Variants in GLI3 observed in about 807,000 individuals in gnomAD.
GLI3 encodes GLI family zinc finger 3.
A neutral mutation model predicts 100.8 loss-of-function variants in GLI3; 20 were observed. The observed-to-expected ratio is 0.20, with a 90% CI of 0.14 to 0.29. GLI3 has a LOEUF of 0.29. Ranked by LOEUF, GLI3 falls within the 10% of genes least tolerant of loss-of-function variation. The pLI, the probability that GLI3 is intolerant of heterozygous loss-of-function variation, is 1.00. For missense variants in GLI3, 2,040 were observed against 2,128.5 expected, an observed-to-expected ratio of 0.96 and a Z score of 0.82; for synonymous variants, 938 against 860.5, an observed-to-expected ratio of 1.09 and a Z score of -1.58.
chr7:42,059,392 AAATGTTTTATTATAT>A (rs1356042345), intron 4 of GLI3, among the ~76,000 whole-genome samples: 1 of 150,436 alleles, frequency 6.6e-6, no homozygotes, highest in Non-Finnish European at 1.5e-5. Flanking sequence ...CTATTATATA[AAATGTTTTATTATAT>A]AATGTATGTA....
chr7:42,135,745 T>TC (rs1786413249), intron 3 of GLI3, among the ~76,000 whole-genome samples: 1 of 152,228 alleles, frequency 6.6e-6, no homozygotes, highest in Non-Finnish European at 1.5e-5. Flanking sequence ...CTCCAACCTC[T>TC]TCATCATGCT....
chr7:42,098,514 T>G (rs1785390356), intron 3 of GLI3, among the ~76,000 whole-genome samples: 1 of 152,178 alleles, frequency 6.6e-6, no homozygotes, highest in Non-Finnish European at 1.5e-5. Context: ...AGAATAACCT[T>G]GTACACATGA....
intron 4 of GLI3, among the ~76,000 whole-genome samples, chr7:42,053,118 C>T (rs908371073): frequency 6.6e-6 from 1 of 152,192 alleles, no homozygotes; most frequent in African/African-American, 2.4e-5. Flanking sequence ...GTCTCAGCCT[C>T]CCGAGTAGCT....
chr7:42,119,012 C>CAGGCTGTAG (rs1202977075), intron 3 of GLI3, among the ~76,000 whole-genome samples: 1 of 152,162 alleles, frequency 6.6e-6, no homozygotes, highest in Non-Finnish European at 1.5e-5. Flanking sequence ...CTCCTGCAAC[C>CAGGCTGTAG]TTGGAGGCAG....
At position 41,966,142 on chromosome 7, in the gene GLI3, C is replaced by T; in HGVS notation, c.2931G>A (p.Arg977=). The T allele has an allele frequency of 6.3e-7, 1 of 1,594,072 alleles. No homozygotes were observed. The highest frequency in any genetic ancestry group is 8.5e-7 in the Non-Finnish European group (1 of 1,174,440). Reference sequence around the variant, plus strand: ...CGTGGGCTCCCCCGTCGCTGCACCTCCTCGGGGCATGAACTGGAGGCAGGG... The same window carrying T: ...CGTGGGCTCCCCCGTCGCTGCACCTTCTCGGGGCATGAACTGGAGGCAGGG... ...GVALPPVHAP[R]RCSDGGAHGY... The change falls in exon 15 of 15, where the codon AGG becomes AGA. Residue 977 remains arginine, a synonymous_variant. Transcript: ENST00000395925. This position sits in a 1 kb window ranked among gnomAD's most constrained non-coding sequence, Gnocchi z 5.8.
At chr7:42,014,485 T>A (rs1320369994) in intron 10 of GLI3, among the ~76,000 whole-genome samples, 1 of 152,254 alleles carries the variant, frequency 6.6e-6, no homozygotes, top group African/African-American at 2.4e-5. Context: ...GATAAAATTT[T>A]CCCATACTTT....
In GLI3 at chr7:41,964,721, C is replaced by T. The variant is rs374978412; in HGVS notation, c.4352G>A (p.Ser1451Asn). Residue 1451 changes from serine (S) to asparagine (N), a missense_variant, in exon 15 of 15, where the codon AGT (serine) becomes AAT (asparagine). Coordinates refer to ENST00000395925, the MANE Select transcript of GLI3 (RefSeq NM_000168.6). ...GQFYDQTVGF[S>N]QQDTKAGSFS... Reference sequence around the variant, plus strand: ...TGAACCAGCTTTCGTGTCTTGCTGACTGAAGCCCACGGTTTGGTCATAGAA... The same window carrying T: ...TGAACCAGCTTTCGTGTCTTGCTGATTGAAGCCCACGGTTTGGTCATAGAA... The T allele has an allele frequency of 6.2e-7, 1 of 1,614,178 alleles. No homozygotes were observed. The highest frequency in any genetic ancestry group is 8.5e-7 in the Non-Finnish European group (1 of 1,180,018).
chr7:42,018,337 AT>A (rs1252135287), intron 10 of GLI3, among the ~76,000 whole-genome samples: 1 of 152,072 alleles, frequency 6.6e-6, no homozygotes, highest in Admixed American at 6.5e-5. Context: ...ATCTCCACTC[AT>A]TTGTTTTATG....
At chr7:42,092,274 AC>A (rs1233696570) in intron 3 of GLI3, among the ~76,000 whole-genome samples, 3 of 152,104 alleles carry the variant, frequency 2.0e-5, no homozygotes, top group Non-Finnish European at 4.4e-5. Flanking sequence ...CACCTCCCCT[AC>A]CCCGGTGAAA....
At chr7:42,236,444 C>A (rs1341803165) in intron 1 of GLI3, among the ~76,000 whole-genome samples, 1 of 152,192 alleles carries the variant, frequency 6.6e-6, no homozygotes, top group East Asian at 1.9e-4. Flanking sequence ...CACACCACAC[C>A]CCCGCCCTCC....
chr7:42,052,583 T>A (rs1784373397), intron 4 of GLI3, among the ~76,000 whole-genome samples: 1 of 152,204 alleles, frequency 6.6e-6, no homozygotes, highest in African/African-American at 2.4e-5. Flanking sequence ...GCTGAAATCC[T>A]GTGTGTAAAG....
intron 2 of GLI3, among the ~76,000 whole-genome samples, chr7:42,194,558 T>C (rs1375572809): frequency 6.6e-6 from 1 of 152,128 alleles, no homozygotes; most frequent in Non-Finnish European, 1.5e-5. Flanking sequence ...CAGCTTAACC[T>C]GACAAATTTG....
At chr7:41,978,448 A>C (rs1284595191) in intron 11 of GLI3, 151 bp downstream of exon 11, 1 of 782,824 alleles carries the variant, frequency 1.3e-6, no homozygotes, top group African/African-American at 1.7e-5. Context: ...TCAGTCACTC[A>C]AACACCGAGG....
intron 3 of GLI3, chr7:42,145,629 A>AAG: frequency 2.5e-6 from 1 of 398,208 alleles, no homozygotes; most frequent in Non-Finnish European, 4.4e-6. Context: ...AAAGAAAAAA[A>AAG]AAAAAAACAG....
chr7:42,140,211 C>A (rs1256188004), intron 3 of GLI3, among the ~76,000 whole-genome samples: 2 of 152,224 alleles, frequency 1.3e-5, no homozygotes, highest in Admixed American at 1.3e-4. Flanking sequence ...CCAAAGGACT[C>A]CTCACTCTCT....
At chr7:42,173,009 G>A (rs1383302630) in intron 2 of GLI3, among the ~76,000 whole-genome samples, 1 of 152,194 alleles carries the variant, frequency 6.6e-6, no homozygotes, top group East Asian at 1.9e-4. Flanking sequence ...ACCCGGTAGT[G>A]CCTGCCCTCT....
At chr7:42,100,638 A>G (rs1277745988) in intron 3 of GLI3, among the ~76,000 whole-genome samples, 1 of 151,466 alleles carries the variant, frequency 6.6e-6, no homozygotes, top group African/African-American at 2.4e-5. Flanking sequence ...CCTACTTGGG[A>G]GGCTGAGGTG....
intron 13 of GLI3, among the ~76,000 whole-genome samples, chr7:41,971,183 G>A (rs992910325): frequency 1.3e-5 from 2 of 152,158 alleles, no homozygotes; most frequent in Non-Finnish European, 2.9e-5. Flanking sequence ...CCACCCACAC[G>A]TACTGTGACA....
At position 42,051,747 on chromosome 7, in the gene GLI3, C is replaced by CA. The variant is rs957943197; in HGVS notation, c.474-3052_474-3051insT. On this transcript the variant is annotated intron_variant, in intron 4 of 14. Transcript: ENST00000395925. ...TGTAGTACAGAGATTTCCCATATAACCCCCACCCCCAGCCTCTACATATAA... is the reference window on the plus strand; with the variant it reads ...TGTAGTACAGAGATTTCCCATATAACACCCCACCCCCAGCCTCTACATATAA... 5.8e-4 allele frequency among the ~76,000 whole-genome samples: 89 copies of CA among 152,142 alleles called. 1 individual carries two copies. The highest frequency in any genetic ancestry group is 2.0e-3 in the African/African-American group (82 of 41,446).
Sources: allele counts gnomAD v4.1 joint callset (sites outside exome capture counted in the v4.1 genomes callset), GRCh38; gene constraint gnomAD v4.1.1; non-coding constraint Gnocchi (gnomAD v3.1); transcripts MANE v1.5; gene names NCBI Gene and HGNC (gene_info 2026-07-23, HGNC 2026-07-21).